DPP8: variants seen among roughly 807,000 people sequenced by gnomAD.
DPP8 encodes the protein DPP VIII.
DPP8 carries 31 observed loss-of-function variants against 107.5 expected under a neutral mutation model. The observed-to-expected ratio is 0.29, with a 90% CI of 0.22 to 0.39. The LOEUF is 0.39. Among genes scored for constraint, DPP8 ranks in the 10% least tolerant of loss-of-function variants. The pLI, the probability that DPP8 is intolerant of heterozygous loss-of-function variation, is 1.00. For missense variants in DPP8, 842 were observed against 1,076.1 expected (o/e 0.78, Z 3.04); for synonymous variants, 381 against 356.6 (o/e 1.07, Z -0.77).
intron 11 of DPP8, among the ~76,000 whole-genome samples, chr15:65,476,772 CCAAAAGG>C (rs765507766): frequency 1.7e-4 from 26 of 152,096 alleles, no homozygotes; most frequent in Non-Finnish European, 3.1e-4. Flanking sequence ...TTCACAATAG[CCAAAAGG>C]TGGAACCAAT....
At position 65,486,093 on chromosome 15, in the gene DPP8, C is replaced by CA. The variant is rs1210589966; in HGVS notation, c.956-934dup. 7.2e-3 allele frequency among the ~76,000 whole-genome samples: 655 copies of CA among 91,346 alleles called. 5 individuals carry two copies. Among genetic ancestry groups the CA allele is most frequent in the Middle Eastern group, 0.026 (3 of 116 alleles). 59.9% of individuals were successfully genotyped at this position (91,346 alleles called of 152,430 possible). On this transcript the variant is annotated intron_variant, in intron 7 of 19. Transcript: ENST00000300141. The stretch of plus-strand genomic sequence containing the variant: ...TGGGCGACACAGCGAGACTCTGTCT[C>CA]AAAAAAAAAAAAACAACACAAAAAA...
intron 3 of DPP8, among the ~76,000 whole-genome samples, chr15:65,503,859 A>G (rs1177341562): frequency 1.3e-5 from 2 of 151,920 alleles, no homozygotes; most frequent in Non-Finnish European, 2.9e-5. Flanking sequence ...TCCTGACTTC[A>G]AGTGATCCAC....
chr15:65,489,086 G>A (rs925357028), intron 6 of DPP8, among the ~76,000 whole-genome samples: 3 of 152,088 alleles, frequency 2.0e-5, no homozygotes, highest in African/African-American at 4.8e-5. Flanking sequence ...TCAGCCTCCC[G>A]AGTAGCTGGG....
chr15:65,454,157 A>AAT, intron 17 of DPP8, 106 bp downstream of exon 17: 2 of 858,580 alleles, frequency 2.3e-6, no homozygotes, highest in Non-Finnish European at 3.2e-6. Flanking sequence ...AAAAAAAAAA[A>AAT]TTGCCAACTC....
chr15:65,492,561 G>A (rs1450268983), intron 5 of DPP8, among the ~76,000 whole-genome samples: 1 of 152,086 alleles, frequency 6.6e-6, no homozygotes, highest in Non-Finnish European at 1.5e-5. Context: ...ACTGTAGCCA[G>A]TCTAGTAGGC....
intron 2 of DPP8, 146 bp from the exon 3 acceptor site, chr15:65,507,501 TTATGCCA>T (rs2070201608): frequency 1.3e-5 from 7 of 540,076 alleles, no homozygotes; most frequent in Non-Finnish European, 2.3e-5. Context: ...TAGAATGTGC[TTATGCCA>T]TATGCCATAA....
intron 12 of DPP8, among the ~76,000 whole-genome samples, chr15:65,471,231 A>G (rs1209450976): frequency 1.3e-5 from 2 of 152,212 alleles, no homozygotes; most frequent in Admixed American, 6.6e-5. Flanking sequence ...ACAGAAAAAA[A>G]TATTTGGAAA....
In DPP8 at chr15:65,493,244, G is replaced by A. The variant is rs549959322; in HGVS notation, c.716-2945C>T. Reference sequence around the variant, plus strand: ...GATTACAGGCGTGTGCCACCACCCCGGCTAATTTTGTATTTTTAGTAGAGA... The same window carrying A: ...GATTACAGGCGTGTGCCACCACCCCAGCTAATTTTGTATTTTTAGTAGAGA... On this transcript the variant is annotated intron_variant, in intron 5 of 19. Coordinates refer to ENST00000300141, the MANE Select transcript of DPP8 (RefSeq NM_130434.5). 6.6e-5 allele frequency among the ~76,000 whole-genome samples: 10 copies of A among 152,002 alleles called. No individual in the cohort carries two copies. In the East Asian group the frequency reaches 9.7e-4, roughly 15 times the overall value.
At chr15:65,479,279 T>C (rs1195279170) in intron 10 of DPP8, among the ~76,000 whole-genome samples, 1 of 152,186 alleles carries the variant, frequency 6.6e-6, no homozygotes, top group South Asian at 2.1e-4. Context: ...AAGAAAAATA[T>C]GACCAAAAGT....
At chr15:65,468,817 G>A (rs73480744) in intron 12 of DPP8, among the ~76,000 whole-genome samples, 28 of 152,236 alleles carry the variant, frequency 1.8e-4, no homozygotes, top group African/African-American at 6.7e-4. Flanking sequence ...AAAATAACCA[G>A]TCAATTCCTC....
At chr15:65,497,806 C>A in intron 5 of DPP8, 58 bp downstream of exon 5, 2 of 1,298,408 alleles carry the variant, frequency 1.5e-6, no homozygotes, top group Non-Finnish European at 1.0e-6. Flanking sequence ...ATGCAAGCAG[C>A]AAATTATACT....
intron 1 of DPP8, among the ~76,000 whole-genome samples, chr15:65,515,358 C>T (rs1025776115): frequency 2.6e-5 from 4 of 152,124 alleles, no homozygotes; most frequent in African/African-American, 7.2e-5. Flanking sequence ...TGCATACTTG[C>T]GTGTACATGT....
chr15:65,484,820 C>T (rs911678769), intron 8 of DPP8, among the ~76,000 whole-genome samples: 1 of 152,106 alleles, frequency 6.6e-6, no homozygotes, highest in African/African-American at 2.4e-5. Flanking sequence ...GGTAACCAGT[C>T]AATAACTACC....
chr15:65,474,349 T>C (rs2066192552), intron 11 of DPP8, 61 bp from the exon 12 acceptor site: 2 of 1,238,882 alleles, frequency 1.6e-6, no homozygotes, highest in Non-Finnish European at 2.4e-6. Context: ...AATGAAACAA[T>C]TAAGAACAGT....
At position 65,445,445 on chromosome 15, in the gene DPP8, A is replaced by C. The variant is rs905898834; in HGVS notation, c.*1439T>G. On this transcript the variant is annotated 3_prime_UTR_variant, in exon 20 of 20. Coordinates refer to ENST00000300141, the MANE Select transcript of DPP8 (RefSeq NM_130434.5). ...CAAGACTCTAACAGGGCAGATCTCA[A>C]TTAGCACCTGAAAGCCTATGAGCTC... is the stretch of plus-strand genomic sequence containing the variant. 2 of 153,160 alleles carry C rather than the reference A, an allele frequency of 1.3e-5. No homozygotes were observed. The highest frequency in any genetic ancestry group is 4.8e-5 in the African/African-American group (2 of 41,428). The allele number at this position is 153,160 out of a possible 1,614,324, so 9.5% of individuals were successfully genotyped here. A position where few individuals can be genotyped will look rare whatever the true frequency, so the allele number is the denominator to read the frequency against.
chr15:65,494,646 G>GGAA (rs375031175), intron 5 of DPP8, among the ~76,000 whole-genome samples: 37 of 114,350 alleles, frequency 3.2e-4, no homozygotes, highest in Admixed American at 7.4e-4. Flanking sequence ...CAAAAAAATT[G>GGAA]AAAAAAAAAA....
At chr15:65,457,559 C>T (rs1342457579) in intron 15 of DPP8, among the ~76,000 whole-genome samples, 2 of 151,796 alleles carry the variant, frequency 1.3e-5, no homozygotes, top group Non-Finnish European at 2.9e-5. Flanking sequence ...GAGATGGGGT[C>T]TCACCATCAT....
chr15:65,494,100 C>A (rs1412882217), intron 5 of DPP8, among the ~76,000 whole-genome samples: 2 of 150,354 alleles, frequency 1.3e-5, no homozygotes, highest in African/African-American at 2.5e-5. Context: ...CTGCTCAAGG[C>A]CACACAGTTA....
At position 65,443,978 on chromosome 15, in the gene DPP8, G is replaced by GC. The variant is rs1417941024; in HGVS notation, c.*2905dup. On this transcript the variant is annotated 3_prime_UTR_variant, in exon 20 of 20. Transcript: ENST00000300141. ...GTCGCCCAGACTGGACTACAGTGGC[G>GC]CCATCTCGGCTCACTGCAACTTCCG... is the stretch of plus-strand genomic sequence containing the variant. The GC allele has an allele frequency of 1.3e-5, 2 of 152,252 alleles. No individual in the cohort carries two copies. The highest frequency in any genetic ancestry group is 2.9e-5 in the Non-Finnish European group (2 of 68,132). The allele number at this position is 152,252 out of a possible 1,614,324, so 9.4% of individuals were successfully genotyped here.
Sources: gnomAD v4.1 joint callset for allele counts (sites outside exome capture counted in the v4.1 genomes callset) on GRCh38, gnomAD v4.1.1 for gene constraint, MANE v1.5 for transcripts, NCBI Gene and HGNC (gene_info 2026-07-23, HGNC 2026-07-21) for gene names.